Variants in SEZ6L observed in about 807,000 individuals in gnomAD.
SEZ6L encodes the protein seizure 6-like protein.
A neutral mutation model predicts 106.2 loss-of-function variants in SEZ6L; 37 were observed. The observed-to-expected ratio is 0.35, with a 90% CI of 0.27 to 0.46. The LOEUF (loss-of-function observed/expected upper bound fraction) is 0.46. Ranked by LOEUF, SEZ6L falls within the 20% of genes least tolerant of loss-of-function variation. SEZ6L has a pLI of 1.00. For synonymous variants in SEZ6L, 541 were observed against 570.4 expected, an observed-to-expected ratio of 0.95 and a Z score of 0.73; for missense variants, 1,172 against 1,332.8, an observed-to-expected ratio of 0.88 and a Z score of 1.88.
rs150636162 is a variant in SEZ6L, at chr22:26,283,638, A to C, written c.95-8768A>C. ...GACAGCATTTATATAATATTTTTAA[A>C]TGTGCCATACAATGCCATACATTGT... On this transcript the variant is annotated intron_variant, in intron 1 of 16. Transcript: ENST00000248933. Among the ~76,000 whole-genome samples, 4 of 152,352 alleles carry C rather than the reference A, an allele frequency of 2.6e-5. No homozygotes were observed. In the East Asian group the frequency reaches 7.7e-4, roughly 29 times the overall value.
At chr22:26,211,589 A>G (rs1045905724) in intron 1 of SEZ6L, among the ~76,000 whole-genome samples, 1 of 152,116 alleles carries the variant, frequency 6.6e-6, no homozygotes, top group Non-Finnish European at 1.5e-5. Context: ...TTCCATCAGG[A>G]GCCAATAGAA....
At chr22:26,216,680 GAAA>G (rs1024932327) in intron 1 of SEZ6L, among the ~76,000 whole-genome samples, 8 of 151,922 alleles carry the variant, frequency 5.3e-5, no homozygotes, top group African/African-American at 1.9e-4. Flanking sequence ...AAAAGAAAAA[GAAA>G]AAGAAAAAGA....
intron 5 of SEZ6L, among the ~76,000 whole-genome samples, chr22:26,304,227 C>T (rs1487677879): frequency 2.0e-5 from 3 of 151,822 alleles, no homozygotes; most frequent in Non-Finnish European, 2.9e-5. Flanking sequence ...TGGTGGGCAC[C>T]TGTAATCCCA....
intron 1 of SEZ6L, among the ~76,000 whole-genome samples, chr22:26,240,669 G>T (rs2079097154): frequency 6.6e-6 from 1 of 152,134 alleles, no homozygotes; most frequent in Non-Finnish European, 1.5e-5. Flanking sequence ...AGCATTAGTG[G>T]AGCACCTACT....
At chr22:26,237,325 T>C (rs1317981022) in intron 1 of SEZ6L, among the ~76,000 whole-genome samples, 1 of 152,240 alleles carries the variant, frequency 6.6e-6, no homozygotes, top group East Asian at 1.9e-4. Flanking sequence ...ACCAGGTCTT[T>C]TGCCTATTCT....
Position 26,292,388 on chromosome 22 carries a change from C to A in SEZ6L, c.95-18C>A. 6.3e-7 allele frequency: 1 copy of A among 1,593,410 alleles called. No individual in the cohort carries two copies. Among genetic ancestry groups the A allele is most frequent in the South Asian group, 1.1e-5 (1 of 88,538 alleles). ...TAAATCTCCCCAAACTAACTGGTGT[C>A]TTTTCTCCTCTTCCAAGATGCTCTT... is the stretch of plus-strand genomic sequence containing the variant. On this transcript the variant is annotated intron_variant, in intron 1 of 16. Transcript: ENST00000248933.
chr22:26,252,104 C>T (rs754366374), intron 1 of SEZ6L, among the ~76,000 whole-genome samples: 16 of 152,252 alleles, frequency 1.1e-4, no homozygotes, highest in South Asian at 6.2e-4. Context: ...GAAATGCAGA[C>T]GCTTGGATCC....
At chr22:26,329,944 A>T (rs1307197965) in intron 9 of SEZ6L, among the ~76,000 whole-genome samples, 2 of 152,226 alleles carry the variant, frequency 1.3e-5, no homozygotes, top group African/African-American at 4.8e-5. Flanking sequence ...CTTTCTTTAG[A>T]TCCTATGATT....
At position 26,240,092 on chromosome 22, in the gene SEZ6L, T is replaced by TCA. The variant is rs1556193806; in HGVS notation, c.95-52286_95-52285dup. 3.3e-3 allele frequency among the ~76,000 whole-genome samples: 379 copies of TCA among 116,194 alleles called. 1 individual carries two copies. Among genetic ancestry groups the TCA allele is most frequent in the African/African-American group, 8.0e-3 (211 of 26,448 alleles). The allele number at this position is 116,194 out of a possible 152,430, so 76.2% of individuals were successfully genotyped here. ...GACACACACACACACACACACACACTCACACACACACACACACACACACAC... is the reference window on the plus strand; with the variant it reads ...GACACACACACACACACACACACACTCACACACACACACACACACACACACAC... On this transcript the variant is annotated intron_variant, in intron 1 of 16. Transcript: ENST00000248933.
At chr22:26,240,551 C>T (rs58329336) in intron 1 of SEZ6L, among the ~76,000 whole-genome samples, 29 of 152,260 alleles carry the variant, frequency 1.9e-4, no homozygotes, top group African/African-American at 6.7e-4. Context: ...CACAAAATTG[C>T]TTGAGGCAAT....
At chr22:26,250,682 C>T (rs2079545657) in intron 1 of SEZ6L, among the ~76,000 whole-genome samples, 1 of 152,132 alleles carries the variant, frequency 6.6e-6, no homozygotes. Context: ...AGAACTTTTT[C>T]TATCTCTGTG....
chr22:26,189,907 C>A (rs996599136), intron 1 of SEZ6L, among the ~76,000 whole-genome samples: 4 of 152,080 alleles, frequency 2.6e-5, no homozygotes, highest in African/African-American at 7.2e-5. Flanking sequence ...ACCATCCTGG[C>A]TAAGATGGTG....
Position 26,198,757 on chromosome 22 carries a change from T to C in SEZ6L, c.94+28994T>C, listed in dbSNP as rs117653362. 2.0e-4 allele frequency among the ~76,000 whole-genome samples: 31 copies of C among 152,306 alleles called. 1 individual carries two copies. The East Asian group carries it at 5.8e-3, about 28-fold the overall frequency. The stretch of plus-strand genomic sequence containing the variant: ...CCCTTTTATAAGGGCTCTGATCCCA[T>C]TCATGGGGGAAGAATCCTTGTGACA... On this transcript the variant is annotated intron_variant, in intron 1 of 16. Transcript: ENST00000248933.
chr22:26,327,428 AACCACACATATGACACTACACACAC>A (rs2082348798), intron 9 of SEZ6L, among the ~76,000 whole-genome samples: 3 of 108,624 alleles, frequency 2.8e-5, no homozygotes, highest in African/African-American at 3.2e-5. Flanking sequence ...CACACGCACA[AACCACACATATGACACTACACACAC>A]CACACACCAT....
chr22:26,218,659 G>A (rs1316479099), intron 1 of SEZ6L, among the ~76,000 whole-genome samples: 2 of 151,884 alleles, frequency 1.3e-5, no homozygotes, highest in Non-Finnish European at 2.9e-5. Flanking sequence ...AAAATTAGCT[G>A]GGTGTAGTGG....
intron 10 of SEZ6L, among the ~76,000 whole-genome samples, chr22:26,346,841 G>A (rs762616532): frequency 9.9e-5 from 15 of 152,064 alleles, no homozygotes; most frequent in South Asian, 2.1e-4. Flanking sequence ...ACCTAACCTC[G>A]GAAGCCACCC....
At chr22:26,317,264 T>C (rs1469464149) in intron 9 of SEZ6L, among the ~76,000 whole-genome samples, 1 of 152,106 alleles carries the variant, frequency 6.6e-6, no homozygotes, top group Admixed American at 6.6e-5. Flanking sequence ...AAATTTATGG[T>C]TCCAGCTTAT....
At chr22:26,213,464 T>A (rs1042840862) in intron 1 of SEZ6L, among the ~76,000 whole-genome samples, 3 of 152,220 alleles carry the variant, frequency 2.0e-5, no homozygotes, top group African/African-American at 7.2e-5. Context: ...GCAATCTTTA[T>A]CTGTTTAGAG....
rs551978643 is a variant in SEZ6L, at chr22:26,224,017, A to T, written c.94+54254A>T. Among the ~76,000 whole-genome samples, 13 of 152,334 alleles carry T rather than the reference A, an allele frequency of 8.5e-5. No homozygotes were observed. The South Asian group carries it at 1.7e-3, about 19-fold the overall frequency. On this transcript the variant is annotated intron_variant, in intron 1 of 16. Transcript: ENST00000248933. ...AAATTGGCCTCGTTATTAAGCATCA[A>T]GGGATCAATGGTGGACTCAGTGGGT...
Sources: gnomAD v4.1 joint callset for allele counts (sites outside exome capture counted in the v4.1 genomes callset) on GRCh38, gnomAD v4.1.1 for gene constraint, MANE v1.5 for transcripts, NCBI Gene and HGNC (gene_info 2026-07-23, HGNC 2026-07-21) for gene names.